AHCTF1: variants seen among roughly 807,000 people sequenced by gnomAD.
The protein encoded by AHCTF1 is protein ELYS.
A neutral mutation model predicts 248.4 loss-of-function variants in AHCTF1; 24 were observed. That is an observed-to-expected ratio of 0.10 (90% CI 0.07 to 0.14). The LOEUF (loss-of-function observed/expected upper bound fraction) is 0.14. AHCTF1 is among the 10% of genes least tolerant of loss of function. The pLI is 1.00. For missense variants in AHCTF1, 2,206 were observed against 2,636.2 expected (o/e 0.84, Z 3.57); for synonymous variants, 786 against 929.8 (o/e 0.85, Z 2.81).
intron 7 of AHCTF1, 45 bp from the exon 8 acceptor site, chr1:246,902,720 A>T: frequency 6.7e-7 from 1 of 1,489,444 alleles, no homozygotes; most frequent in Non-Finnish European, 9.0e-7. Flanking sequence ...TTCTAGGCAA[A>T]AAGTCACTCT....
chr1:246,926,046 T>TAA (rs35982364), intron 1 of AHCTF1, among the ~76,000 whole-genome samples: 22,454 of 120,848 alleles, frequency 0.19, 2,227 homozygotes, highest in East Asian at 0.32. Context: ...ACCCTGTCTT[T>TAA]AAAAAAAAAA....
chr1:246,860,190 G>C (rs973345406), intron 29 of AHCTF1, among the ~76,000 whole-genome samples: 2 of 3,692 alleles, frequency 5.4e-4, no homozygotes, highest in Admixed American at 2.8e-3. Flanking sequence ...AACCTGGTTG[G>C]GGGGGGGGCG....
chr1:246,885,186 AGTT>A (rs1198623295), intron 21 of AHCTF1, among the ~76,000 whole-genome samples: 3 of 152,242 alleles, frequency 2.0e-5, no homozygotes, highest in Admixed American at 2.0e-4. Context: ...AATATTATAC[AGTT>A]GTCCCTCAGT....
intron 27 of AHCTF1, 114 bp from the exon 28 acceptor site, chr1:246,862,267 T>G (rs1572380133): frequency 1.6e-6 from 1 of 644,114 alleles, no homozygotes. Flanking sequence ...GATCACCAGG[T>G]CAGGAGATCG....
chr1:246,912,343 C>G (rs1199855333), intron 4 of AHCTF1, among the ~76,000 whole-genome samples: 1 of 151,740 alleles, frequency 6.6e-6, no homozygotes, highest in Admixed American at 6.6e-5. Flanking sequence ...ATTAGCCAGG[C>G]ATGGTGGCGT....
chr1:246,912,273 G>A (rs902421504), intron 4 of AHCTF1, among the ~76,000 whole-genome samples: 4 of 151,608 alleles, frequency 2.6e-5, no homozygotes, highest in African/African-American at 2.4e-5. Flanking sequence ...TCAAGAGATC[G>A]AGACCATCCT....
rs1374410112 is a variant in AHCTF1 at position 246,840,881 on chromosome 1, T to C, written c.6726A>G (p.Thr2242=). The change falls in exon 36 of 36, where the codon ACA becomes ACG. Residue 2242 remains threonine (T), a synonymous_variant. Transcript: ENST00000648844. ...KSKPRKTTEV[T]GTGLGRNRKK... ...TTCTGTTCCTTCCAAGACCTGTTCC[T>C]GTCACTTCTGTAGTTTTTCTTGGTT... 6.2e-7 allele frequency: 1 copy of C among 1,613,746 alleles called. No individual in the cohort carries two copies. Among genetic ancestry groups the C allele is most frequent in the Non-Finnish European group, 8.5e-7 (1 of 1,179,782 alleles).
chr1:246,931,526 G>A, intron 1 of AHCTF1, 52 bp downstream of exon 1: 1 of 355,064 alleles, frequency 2.8e-6, no homozygotes, highest in Non-Finnish European at 3.9e-6. Context: ...TCCAGGCCGC[G>A]CGACCCGCCC....
intron 14 of AHCTF1, 110 bp downstream of exon 14, chr1:246,894,549 G>T (rs1664433634): frequency 1.1e-6 from 1 of 916,568 alleles, no homozygotes; most frequent in South Asian, 1.8e-5. Flanking sequence ...CTCAAAAAAA[G>T]AAAAGAGTTT....
intron 35 of AHCTF1, 92 bp from the exon 36 acceptor site, chr1:246,841,090 C>T (rs12031687): frequency 0.23 from 239,981 of 1,049,478 alleles, 27,907 homozygotes; most frequent in Admixed American, 0.32. Flanking sequence ...ACCTTAGGGA[C>T]TGCTTAGTGC....
intron 24 of AHCTF1, among the ~76,000 whole-genome samples, chr1:246,869,005 T>C (rs112848017): frequency 0.064 from 9,666 of 151,206 alleles, 410 homozygotes; most frequent in Middle Eastern, 0.12. Context: ...CCACCATGCC[T>C]GGCTAACTTT....
At position 246,847,825 on chromosome 1, in the gene AHCTF1, A is replaced by G. The variant is rs569166324; in HGVS notation, c.6391+1790T>C. Among the ~76,000 whole-genome samples, 3 of 152,326 alleles carry G rather than the reference A, an allele frequency of 2.0e-5. 1 individual carries two copies. The South Asian group carries it at 6.2e-4, about 32-fold the overall frequency. On this transcript the variant is annotated intron_variant, in intron 33 of 35. Coordinates refer to ENST00000648844, the MANE Select transcript of AHCTF1 (RefSeq NM_001323342.2). The stretch of plus-strand genomic sequence containing the variant: ...GAGATGTTTGCTAAGCTCTAACAAA[A>G]TAACTCTCACTTTTGGTGGTTACTA...
chr1:246,850,242 C>G lies in AHCTF1; in HGVS notation c.5764G>C (p.Asp1922His). The change falls in exon 33 of 36, where the codon GAT (aspartate) becomes CAT (histidine). Residue 1922 changes from aspartate (D) to histidine (H), a missense_variant. By Grantham distance (81) the Asp-to-His change is moderately conservative. Coordinates refer to ENST00000648844, the MANE Select transcript of AHCTF1 (RefSeq NM_001323342.2). ...DASENTGNKQ[D>H]DKSSDKQLRI... Reference sequence around the variant, plus strand: ...AGCTGCTTGTCACTGGATTTATCATCTTGCTTATTTCCTGTATTTTCAGAA... The same window carrying G: ...AGCTGCTTGTCACTGGATTTATCATGTTGCTTATTTCCTGTATTTTCAGAA... The G allele has an allele frequency of 6.2e-7, 1 of 1,613,912 alleles. No individual in the cohort carries two copies. Among genetic ancestry groups the G allele is most frequent in the Non-Finnish European group, 8.5e-7 (1 of 1,179,856 alleles).
Position 246,850,950 on chromosome 1 carries a change from A to C in AHCTF1, c.5056T>G (p.Ser1686Ala). The change falls in exon 33 of 36, where the codon TCA (serine) becomes GCA (alanine). Residue 1686 changes from serine (S) to alanine (A), a missense_variant. This residue lies in a region of AHCTF1 where 955 missense variants were observed against 1,055.6 expected (regional missense o/e 0.90). Transcript: ENST00000648844. The part of the protein sequence containing the change: ...IKDTRSKEIT[S>A]DTMEQSIHET... ...TGAATGGACTGTTCCATTGTATCTG[A>C]AGTAATTTCTTTACTTCTTGTGTCT... The C allele has an allele frequency of 6.2e-7, 1 of 1,613,948 alleles. No homozygotes were observed. The highest frequency in any genetic ancestry group is 1.1e-5 in the South Asian group (1 of 91,068).
intron 35 of AHCTF1, among the ~76,000 whole-genome samples, chr1:246,841,440 CGCCAGTTTA>C (rs1659855911): frequency 6.6e-6 from 1 of 152,082 alleles, no homozygotes; most frequent in South Asian, 2.1e-4. Flanking sequence ...CACATAGATA[CGCCAGTTTA>C]TATGTAAACA....
chr1:246,899,452 T>C lies in AHCTF1; in HGVS notation c.1493A>G (p.Glu498Gly). Residue 498 changes from glutamate to glycine, a missense_variant and splice_region_variant, in exon 11 of 36, where the codon GAG (glutamate) becomes GGG (glycine). Around this residue, in one of 6 missense-constraint regions of AHCTF1, gnomAD observed 650 missense variants for 870.8 expected, o/e 0.75. Coordinates refer to ENST00000648844, the MANE Select transcript of AHCTF1 (RefSeq NM_001323342.2). ...VHLTCTGFQKETLTFLKKSGP... is the reference protein window; with the variant it reads ...VHLTCTGFQKGTLTFLKKSGP... ...AAGAAATCACTAGTTGTTACCTACC[T>C]CCTTCTGAAAGCCAGTACAAGTTAA... is the stretch of plus-strand genomic sequence containing the variant. 1.2e-6 allele frequency: 2 copies of C among 1,605,126 alleles called. No individual in the cohort carries two copies. The highest frequency in any genetic ancestry group is 1.7e-6 in the Non-Finnish European group (2 of 1,175,760).
At chr1:246,847,418 G>A (rs949772186) in intron 33 of AHCTF1, among the ~76,000 whole-genome samples, 4 of 152,164 alleles carry the variant, frequency 2.6e-5, no homozygotes, top group South Asian at 2.1e-4. Context: ...TATCTGGAAC[G>A]ATATACAGGA....
intron 17 of AHCTF1, 32 bp downstream of exon 17, chr1:246,889,934 C>A: frequency 6.6e-7 from 1 of 1,516,782 alleles, no homozygotes; most frequent in Non-Finnish European, 9.1e-7. Flanking sequence ...TGACTTCTTA[C>A]AGATGTAATT....
intron 1 of AHCTF1, among the ~76,000 whole-genome samples, chr1:246,920,737 T>A (rs974304174): frequency 4.7e-5 from 7 of 148,234 alleles, no homozygotes; most frequent in African/African-American, 1.5e-4. Flanking sequence ...ACCACTGCAC[T>A]CCAGCCTGGG....
Sources: allele counts gnomAD v4.1 joint callset (sites outside exome capture counted in the v4.1 genomes callset), GRCh38; gene constraint gnomAD v4.1.1; regional missense constraint gnomAD v4.1.1; transcripts MANE v1.5; gene names NCBI Gene and HGNC (gene_info 2026-07-23, HGNC 2026-07-21).